The following CTNNA3 variants were observed in gnomAD, a reference collection of about 807,000 sequenced individuals.
The protein encoded by CTNNA3 is catenin alpha-3.
CTNNA3 carries 76 observed loss-of-function variants against 95.7 expected under a neutral mutation model. The ratio of observed to expected loss-of-function variants is 0.79; its 90% CI spans 0.66 to 0.96. The LOEUF (loss-of-function observed/expected upper bound fraction) is 0.96. Among genes scored for constraint, CTNNA3 ranks in the 40% least tolerant of loss-of-function variants. The probability of loss-of-function intolerance (pLI) is 0.00; values close to 1 mark genes in which losing one functional copy is unlikely to be tolerated. For missense variants in CTNNA3, 1,191 were observed against 1,089.8 expected (o/e 1.09, Z -1.31); for synonymous variants, 431 against 374.4 (o/e 1.15, Z -1.74).
chr10:67,726,411 A>C (rs1204338889), intron 1 of CTNNA3, among the ~76,000 whole-genome samples: 2 of 56,892 alleles, frequency 3.5e-5, no homozygotes, highest in Non-Finnish European at 5.1e-5. Context: ...ATTATATCAT[A>C]TATAATATTA....
At chr10:67,538,537 A>C (rs1428500964) in intron 4 of CTNNA3, among the ~76,000 whole-genome samples, 1 of 148,682 alleles carries the variant, frequency 6.7e-6, no homozygotes, top group Non-Finnish European at 1.5e-5. Context: ...AGCCGAGATC[A>C]CCACTGCACT....
intron 7 of CTNNA3, among the ~76,000 whole-genome samples, chr10:67,159,053 T>G (rs553030160): frequency 6.6e-6 from 1 of 152,274 alleles, no homozygotes; most frequent in Non-Finnish European, 1.5e-5. Context: ...CTGCCTGGCC[T>G]AAACCCAGTA....
At position 66,775,708 on chromosome 10, in the gene CTNNA3, A is replaced by G. The variant is rs535211401; in HGVS notation, c.1048-184T>C. 2.2e-4 allele frequency among the ~76,000 whole-genome samples: 33 copies of G among 152,292 alleles called. No individual in the cohort carries two copies. The East Asian group carries it at 6.2e-3, about 28-fold the overall frequency. ...AAGTAGAATGGTGATTAAAGCTCAC[A>G]TTATTTTCATCTTTATGCTTCTGTA... On this transcript the variant is annotated intron_variant, in intron 7 of 17. Transcript: ENST00000433211.
chr10:67,344,304 CT>C (rs528338919), intron 5 of CTNNA3, among the ~76,000 whole-genome samples: 1 of 150,778 alleles, frequency 6.6e-6, no homozygotes, highest in African/African-American at 2.4e-5. Context: ...TTTTCTTTCT[CT>C]TTTTTTTTCT....
intron 13 of CTNNA3, among the ~76,000 whole-genome samples, chr10:66,255,827 C>T (rs1359782446): frequency 3.3e-5 from 5 of 152,190 alleles, no homozygotes; most frequent in Admixed American, 1.3e-4. Flanking sequence ...ATCCCAGTTG[C>T]GTTCATTTAG....
At chr10:66,267,610 T>A (rs1054861400) in intron 13 of CTNNA3, among the ~76,000 whole-genome samples, 1 of 152,132 alleles carries the variant, frequency 6.6e-6, no homozygotes, top group Non-Finnish European at 1.5e-5. Context: ...AGCACAGTGA[T>A]TAAAAGATAG....
intron 9 of CTNNA3, among the ~76,000 whole-genome samples, chr10:66,662,900 T>G (rs1236353220): frequency 2.0e-5 from 3 of 152,070 alleles, no homozygotes; most frequent in Non-Finnish European, 4.4e-5. Context: ...GTTTCCTCCT[T>G]CACATAAATC....
intron 15 of CTNNA3, among the ~76,000 whole-genome samples, chr10:66,039,539 C>CTT (rs1442305954): frequency 1.3e-5 from 2 of 152,134 alleles, no homozygotes; most frequent in African/African-American, 4.8e-5. Context: ...TTTAGACCAA[C>CTT]TTAATAGAAT....
At chr10:66,767,521 C>T (rs542559011) in intron 8 of CTNNA3, among the ~76,000 whole-genome samples, 7 of 151,442 alleles carry the variant, frequency 4.6e-5, no homozygotes, top group Non-Finnish European at 1.0e-4. Context: ...ATAAATGGGC[C>T]CAAAGGTTTT....
At chr10:67,087,185 T>C (rs1857355484) in intron 7 of CTNNA3, among the ~76,000 whole-genome samples, 1 of 152,008 alleles carries the variant, frequency 6.6e-6, no homozygotes, top group South Asian at 2.1e-4. Context: ...GCATTTTGCT[T>C]TGCCTCAGTT....
At chr10:67,297,964 C>T (rs1356983546) in intron 5 of CTNNA3, among the ~76,000 whole-genome samples, 3 of 152,166 alleles carry the variant, frequency 2.0e-5, no homozygotes, top group Non-Finnish European at 2.9e-5. Context: ...TTCTGTCTAT[C>T]GCATACATTT....
At chr10:66,832,159 T>C (rs1842741656) in intron 7 of CTNNA3, among the ~76,000 whole-genome samples, 2 of 152,226 alleles carry the variant, frequency 1.3e-5, no homozygotes, top group East Asian at 1.9e-4. Context: ...TTTCTATAAG[T>C]TGGGAAGAAA....
intron 5 of CTNNA3, among the ~76,000 whole-genome samples, chr10:67,449,635 C>T (rs574983133): frequency 5.3e-4 from 81 of 152,248 alleles, no homozygotes; most frequent in African/African-American, 1.8e-3. Context: ...GGACCCCTTC[C>T]TTACACCATA....
At chr10:67,080,019 GT>G (rs1394157514) in intron 7 of CTNNA3, among the ~76,000 whole-genome samples, 3 of 151,980 alleles carry the variant, frequency 2.0e-5, no homozygotes, top group Admixed American at 2.0e-4. Flanking sequence ...GTTTTGTTTT[GT>G]TTTCTCCAAA....
intron 5 of CTNNA3, among the ~76,000 whole-genome samples, chr10:67,255,314 A>T (rs34853549): frequency 0.16 from 23,923 of 150,692 alleles, 2,005 homozygotes; most frequent in East Asian, 0.21. Context: ...ATAAATAAAT[A>T]AATAAATTAA....
intron 7 of CTNNA3, among the ~76,000 whole-genome samples, chr10:66,842,562 T>A (rs564542771): frequency 1.3e-5 from 2 of 152,214 alleles, no homozygotes; most frequent in East Asian, 3.9e-4. Context: ...AGAGAAGAAC[T>A]TAATTGGTTT....
intron 7 of CTNNA3, among the ~76,000 whole-genome samples, chr10:66,942,236 C>T (rs954441514): frequency 2.0e-5 from 3 of 152,138 alleles, no homozygotes; most frequent in Non-Finnish European, 4.4e-5. Flanking sequence ...GAAATTCTCA[C>T]ATTAAACACA....
chr10:67,023,374 A>G (rs550997497), intron 7 of CTNNA3, among the ~76,000 whole-genome samples: 82 of 152,280 alleles, frequency 5.4e-4, no homozygotes, highest in African/African-American at 1.9e-3. Flanking sequence ...TCCTGAAGTC[A>G]AGAACTTCAG....
chr10:66,852,366 G>A (rs1843528841), intron 7 of CTNNA3, among the ~76,000 whole-genome samples: 1 of 152,056 alleles, frequency 6.6e-6, no homozygotes, highest in South Asian at 2.1e-4. Flanking sequence ...TTTGTTATTA[G>A]GTTAGTGCTA....
Sources: allele counts gnomAD v4.1 joint callset (sites outside exome capture counted in the v4.1 genomes callset), GRCh38; gene constraint gnomAD v4.1.1; transcripts MANE v1.5; gene names NCBI Gene and HGNC (gene_info 2026-07-23, HGNC 2026-07-21).